PRKN: variants seen among roughly 807,000 people sequenced by gnomAD.
PRKN encodes E3 ubiquitin-protein ligase parkin.
In PRKN, 56 loss-of-function variants were observed where a neutral mutation model predicts 59.5. The observed-to-expected ratio is 0.94, with a 90% CI of 0.76 to 1.18. The LOEUF is 1.18. Ranked by LOEUF, PRKN falls within the 50% of genes most tolerant of loss-of-function variation. The pLI, the probability that PRKN is intolerant of heterozygous loss-of-function variation, is 0.00. For synonymous variants in PRKN, 250 were observed against 222.1 expected (o/e 1.13, Z -1.12); for missense variants, 657 against 596.4 (o/e 1.10, Z -1.06).
intron 1 of PRKN, among the ~76,000 whole-genome samples, chr6:162,491,071 C>T (rs1442243794): frequency 6.6e-6 from 1 of 151,470 alleles, no homozygotes; most frequent in African/African-American, 2.4e-5. Flanking sequence ...GCACTGCACT[C>T]CAGCCTGGGT....
chr6:162,336,174 A>C, intron 2 of PRKN, among the ~76,000 whole-genome samples: 1 of 152,072 alleles, frequency 6.6e-6, no homozygotes, highest in East Asian at 1.9e-4. Context: ...TTTTCCACTT[A>C]TCTAATCAGG....
At chr6:162,596,612 A>G (rs1008779684) in intron 1 of PRKN, among the ~76,000 whole-genome samples, 1 of 152,194 alleles carries the variant, frequency 6.6e-6, no homozygotes, top group Non-Finnish European at 1.5e-5. Flanking sequence ...ATGTTCCTGT[A>G]GTGTGAATTT....
At chr6:162,320,362 C>CAAAAAAAAAAAAAAAAAAAAAAAAA (rs55793911) in intron 2 of PRKN, among the ~76,000 whole-genome samples, 1 of 7,286 alleles carries the variant, frequency 1.4e-4, no homozygotes, top group Non-Finnish European at 2.5e-4. Flanking sequence ...TACAAAAAGC[C>CAAAAAAAAAAAAAAAAAAAAAAAAA]AAAAAAAAAA....
chr6:161,903,900 T>C (rs1472907250), intron 6 of PRKN, among the ~76,000 whole-genome samples: 1 of 151,878 alleles, frequency 6.6e-6, no homozygotes, highest in African/African-American at 2.4e-5. Context: ...CAAATAACTA[T>C]GGCTGCAGTT....
intron 4 of PRKN, among the ~76,000 whole-genome samples, chr6:162,096,099 C>G (rs770092208): frequency 4.7e-5 from 7 of 149,444 alleles, no homozygotes; most frequent in South Asian, 2.1e-4. Flanking sequence ...GGTAGGTATG[C>G]TGCCAACTAT....
intron 4 of PRKN, among the ~76,000 whole-genome samples, chr6:162,118,185 G>C (rs888754816): frequency 6.6e-6 from 1 of 152,078 alleles, no homozygotes; most frequent in Non-Finnish European, 1.5e-5. Context: ...GCCGAGGCGG[G>C]TGGATCATGA....
intron 4 of PRKN, among the ~76,000 whole-genome samples, chr6:162,106,934 T>C (rs1173225500): frequency 6.6e-6 from 1 of 152,198 alleles, no homozygotes; most frequent in Non-Finnish European, 1.5e-5. Flanking sequence ...AGAATTCTTA[T>C]GGTAGGAAAA....
chr6:161,559,929 C>T (rs745685337), intron 8 of PRKN, among the ~76,000 whole-genome samples: 2 of 152,120 alleles, frequency 1.3e-5, no homozygotes, highest in Non-Finnish European at 2.9e-5. Flanking sequence ...GGGTGAAAGC[C>T]GAGAAGCTGC....
At chr6:162,590,586 T>G (rs1204897869) in intron 1 of PRKN, among the ~76,000 whole-genome samples, 1 of 152,144 alleles carries the variant, frequency 6.6e-6, no homozygotes, top group African/African-American at 2.4e-5. Flanking sequence ...TGAATGGGAT[T>G]GCAACCTAAA....
intron 1 of PRKN, chr6:162,569,242 G>A: frequency 1.7e-6 from 1 of 579,162 alleles, no homozygotes; most frequent in Non-Finnish European, 3.2e-6. Flanking sequence ...CTGAGACTGA[G>A]GGCCTCAAAA....
In PRKN at chr6:162,045,197, T is replaced by G. The variant is rs185698937; in HGVS notation, c.618+8894A>C. 3.3e-5 allele frequency among the ~76,000 whole-genome samples: 5 copies of G among 152,358 alleles called. No individual in the cohort carries two copies. In the East Asian group the frequency reaches 9.6e-4, roughly 29 times the overall value. The stretch of plus-strand genomic sequence containing the variant: ...TGAAAGTCAGTCTTTGTTTTCTGCA[T>G]AGTGACTAGCACAACAAATCAATGT... On this transcript the variant is annotated intron_variant, in intron 5 of 11. Coordinates refer to ENST00000366898, the MANE Select transcript of PRKN (RefSeq NM_004562.3).
At chr6:162,370,124 G>A (rs1723091407) in intron 2 of PRKN, among the ~76,000 whole-genome samples, 1 of 152,174 alleles carries the variant, frequency 6.6e-6, no homozygotes, top group Non-Finnish European at 1.5e-5. Context: ...AAATTTCACT[G>A]TAGTCGAAAT....
At position 161,399,673 on chromosome 6, in the gene PRKN, G is replaced by C. The variant is rs1332330291; in HGVS notation, c.1084-12796C>G. Among the ~76,000 whole-genome samples the C allele has an allele frequency of 1.3e-5, 2 of 152,128 alleles. No homozygotes were observed. The highest frequency in any genetic ancestry group is 2.9e-5 in the Non-Finnish European group (2 of 68,028). On this transcript the variant is annotated intron_variant, in intron 9 of 11. Transcript: ENST00000366898. This position sits in a 1 kb window ranked among gnomAD's most constrained non-coding sequence, Gnocchi z 4.4. ...GAACTGGGACCAATGGAGTTTGCTG[G>C]AAATGATAGCCCCCAGAAAGTACCA...
At chr6:161,841,902 C>T (rs1793001414) in intron 6 of PRKN, among the ~76,000 whole-genome samples, 1 of 152,144 alleles carries the variant, frequency 6.6e-6, no homozygotes, top group Admixed American at 6.5e-5. Flanking sequence ...TCTTGGACTA[C>T]AAATCCCCAA....
intron 1 of PRKN, among the ~76,000 whole-genome samples, chr6:162,679,131 G>A (rs1034962954): frequency 4.2e-5 from 6 of 141,282 alleles, no homozygotes; most frequent in Non-Finnish European, 7.7e-5. Flanking sequence ...AGACAGTTTC[G>A]CCCTGTTGCC....
Position 162,283,367 on chromosome 6 carries a change from CGTGTGA to C in PRKN, c.172-20608_172-20603del, listed in dbSNP as rs200818225. Among the ~76,000 whole-genome samples, 1,068 of 151,526 alleles carry C rather than the reference CGTGTGA, an allele frequency of 7.0e-3. 7 individuals are homozygous for C. The highest frequency in any genetic ancestry group is 0.025 in the African/African-American group (1,027 of 40,910). On this transcript the variant is annotated intron_variant, in intron 2 of 11. Transcript: ENST00000366898. ...CATATTTCAATCCAACTGAAATGTACGTGTGAGTGTGTGTGTTTGTATGTATGCATG... is the reference window on the plus strand; with the variant it reads ...CATATTTCAATCCAACTGAAATGTACGTGTGTGTGTTTGTATGTATGCATG...
intron 7 of PRKN, among the ~76,000 whole-genome samples, chr6:161,724,216 A>C (rs1359601083): frequency 6.6e-6 from 1 of 152,226 alleles, no homozygotes; most frequent in African/African-American, 2.4e-5. Context: ...GGAACGGCTG[A>C]AGAGCTAATA....
chr6:161,864,088 C>T (rs6920809), intron 6 of PRKN, among the ~76,000 whole-genome samples: 10,835 of 152,156 alleles, frequency 0.071, 1,288 homozygotes, highest in African/African-American at 0.25. Flanking sequence ...TATAGTGGTT[C>T]CATACAATAA....
At chr6:161,907,729 C>A (rs957419455) in intron 6 of PRKN, among the ~76,000 whole-genome samples, 1 of 152,070 alleles carries the variant, frequency 6.6e-6, no homozygotes, top group Non-Finnish European at 1.5e-5. Flanking sequence ...TCGAAAGGAC[C>A]AAACAGCGCT....
Sources: gnomAD v4.1 joint callset for allele counts (sites outside exome capture counted in the v4.1 genomes callset) on GRCh38, gnomAD v4.1.1 for gene constraint, Gnocchi (gnomAD v3.1) non-coding constraint, MANE v1.5 for transcripts, NCBI Gene and HGNC (gene_info 2026-07-23, HGNC 2026-07-21) for gene names.